The following DNAH10 variants were observed in gnomAD, a reference collection of about 807,000 sequenced individuals.
The protein encoded by DNAH10 is dynein axonemal heavy chain 10.
In DNAH10, 348 loss-of-function variants were observed where a neutral mutation model predicts 506.6. The ratio of observed to expected loss-of-function variants is 0.69; its 90% confidence interval spans 0.63 to 0.75. The LOEUF (loss-of-function observed/expected upper bound fraction) is 0.75, where lower values mean the gene tolerates loss of function less well. Ranked by LOEUF, DNAH10 falls within the 30% of genes least tolerant of loss-of-function variation. The probability of loss-of-function intolerance (pLI) is 0.00; values close to 1 mark genes in which losing one functional copy is unlikely to be tolerated. For synonymous variants in DNAH10, 2,059 were observed against 2,198.6 expected (o/e 0.94, Z 1.78); for missense variants, 5,179 against 5,787.1 (o/e 0.89, Z 3.41).
intron 16 of DNAH10, 55 bp from the exon 17 acceptor site, chr12:123,803,606 A>T (rs1958551193): frequency 1.4e-6 from 2 of 1,438,478 alleles, no homozygotes; most frequent in Admixed American, 5.9e-5. Flanking sequence ...TGGTGGGGGG[A>T]TGTGGAAAGA....
In DNAH10 at chr12:123,867,612, A is replaced by T. The variant is rs1336744471; in HGVS notation, c.7302+11A>T. The T allele has an allele frequency of 2.5e-6, 4 of 1,612,340 alleles. No individual in the cohort carries two copies. The highest frequency in any genetic ancestry group is 2.5e-6 in the Non-Finnish European group (3 of 1,179,488). ...ACAGACCTCAATATGGTAAGAAATG[A>T]TCCCTGCTGTTAGCAAAAAGAAATT... On this transcript the variant is annotated intron_variant, in intron 42 of 78. Transcript: ENST00000673944.
At position 123,795,782 on chromosome 12, in the gene DNAH10, C is replaced by T. The variant is rs147332722; in HGVS notation, c.1987-874C>T. 1.7e-3 allele frequency among the ~76,000 whole-genome samples: 261 copies of T among 152,232 alleles called. 2 individuals carry two copies. The highest frequency in any genetic ancestry group is 5.9e-3 in the African/African-American group (246 of 41,534). ...CCACACCTAATTACCCCCACGAGAG[C>T]TCAGACATGCTTCTTTTAAAAACAC... On this transcript the variant is annotated intron_variant, in intron 12 of 78. Transcript: ENST00000673944.
chr12:123,886,568 T>G (rs1282520941), intron 51 of DNAH10, among the ~76,000 whole-genome samples: 1 of 151,920 alleles, frequency 6.6e-6, no homozygotes, highest in Non-Finnish European at 1.5e-5. Context: ...AGTGTGAACA[T>G]GTGGGAATGA....
At position 123,934,177 on chromosome 12, in the gene DNAH10, G is replaced by A; in HGVS notation, c.13478-444G>A. The A allele has an allele frequency of 4.3e-6, 3 of 697,876 alleles. No individual in the cohort carries two copies. In the South Asian group the frequency reaches 4.5e-5, roughly 10 times the overall value. The allele number at this position is 697,876 out of a possible 1,614,324, so 43.2% of individuals were successfully genotyped here. ...TGTTCCTCTCTTTGCACATCTGCTG[G>A]GTCCTCCTCCCCGGAGACCACTTTC... is the stretch of plus-strand genomic sequence containing the variant. On this transcript the variant is annotated intron_variant, in intron 77 of 78. Transcript: ENST00000673944.
rs1954479407 is a variant in DNAH10 at position 123,916,393 on chromosome 12, C to T, written c.10723-64C>T. ...ACTTCCCACTTCCAAGCCATTCTCC[C>T]CTTATATTTGGCAGGGCCACAGTTA... On this transcript the variant is annotated intron_variant, in intron 62 of 78. Coordinates refer to ENST00000673944, the MANE Select transcript of DNAH10 (RefSeq NM_001372106.1). This position sits in a 1 kb window ranked among gnomAD's most constrained non-coding sequence, Gnocchi z 4.6. The T allele has an allele frequency of 6.5e-7, 1 of 1,549,268 alleles. No homozygotes were observed. Among genetic ancestry groups the T allele is most frequent in the Non-Finnish European group, 8.7e-7 (1 of 1,151,172 alleles).
Position 123,909,109 on chromosome 12 carries a change from G to A in DNAH10, c.9816-152G>A, listed in dbSNP as rs372527929. On this transcript the variant is annotated intron_variant, in intron 57 of 78. Transcript: ENST00000673944. The surrounding 1 kb of genome is among the most constrained non-coding windows in gnomAD (Gnocchi z 5.4). ...TAGGGACGCTCCCGCCCAGGAGTGC[G>A]GTTTGTGTTGGGACCTGGCTTCTTT... 4.1e-4 allele frequency among the ~76,000 whole-genome samples: 63 copies of A among 152,292 alleles called. 1 individual carries two copies. The highest frequency in any genetic ancestry group is 1.4e-3 in the African/African-American group (57 of 41,554).
At chr12:123,834,908 G>A (rs947243085) in intron 27 of DNAH10, among the ~76,000 whole-genome samples, 1 of 152,168 alleles carries the variant, frequency 6.6e-6, no homozygotes, top group African/African-American at 2.4e-5. Context: ...ATCACATGTT[G>A]TTTTTCTATC....
intron 42 of DNAH10, 26 bp from the exon 43 acceptor site, chr12:123,867,877 G>T: frequency 6.2e-7 from 1 of 1,602,410 alleles, no homozygotes; most frequent in Non-Finnish European, 8.5e-7. Flanking sequence ...TATGTGGGCT[G>T]AACCAGATAT....
intron 43 of DNAH10, among the ~76,000 whole-genome samples, chr12:123,869,844 A>T (rs1194375742): frequency 6.6e-6 from 1 of 152,064 alleles, no homozygotes; most frequent in Non-Finnish European, 1.5e-5. Flanking sequence ...GGCGATGGTG[A>T]TTACTCGGGC....
chr12:123,913,005 A>G lies in DNAH10; in HGVS notation c.10135-93A>G, dbSNP rs1161594604. The G allele has an allele frequency of 6.7e-6, 8 of 1,186,624 alleles. No individual in the cohort carries two copies. The Admixed American group carries it at 1.4e-4, about 21-fold the overall frequency. The allele number at this position is 1,186,624 out of a possible 1,614,324, so 73.5% of individuals were successfully genotyped here. On this transcript the variant is annotated intron_variant, in intron 59 of 78. Coordinates refer to ENST00000673944, the MANE Select transcript of DNAH10 (RefSeq NM_001372106.1). This position sits in a 1 kb window ranked among gnomAD's most constrained non-coding sequence, Gnocchi z 5.1. ...CTCTGAAAAGCACAGACACCATTAG[A>G]GCAGTTTAGACATGTGGCCTGGTTT...
intron 26 of DNAH10, among the ~76,000 whole-genome samples, chr12:123,832,490 C>T (rs1050820033): frequency 1.8e-4 from 28 of 152,036 alleles, no homozygotes; most frequent in Non-Finnish European, 2.9e-4. Context: ...TATGTATACA[C>T]ATATACATAT....
intron 51 of DNAH10, among the ~76,000 whole-genome samples, chr12:123,886,672 A>G (rs77198097): frequency 0.054 from 8,156 of 150,278 alleles, 223 homozygotes; most frequent in Non-Finnish European, 0.065. Context: ...GTTCCTGGAA[A>G]TCTGCCATGT....
At chr12:123,874,625 A>T (rs1952175379) in intron 46 of DNAH10, among the ~76,000 whole-genome samples, 1 of 151,672 alleles carries the variant, frequency 6.6e-6, no homozygotes, top group Non-Finnish European at 1.5e-5. Flanking sequence ...CCATCCATCC[A>T]TCCATCCATC....
At chr12:123,783,062 A>G (rs1474417341) in intron 6 of DNAH10, 45 bp from the exon 7 acceptor site, 2 of 1,598,144 alleles carry the variant, frequency 1.3e-6, no homozygotes, top group South Asian at 1.1e-5. Flanking sequence ...CTTTGTAATC[A>G]TTTTTCCTGA....
chr12:123,787,329 TTTG>T lies in DNAH10; in HGVS notation c.1422-472_1422-470del, dbSNP rs1957893499. 1.3e-5 allele frequency among the ~76,000 whole-genome samples: 2 copies of T among 152,228 alleles called. No homozygotes were observed. The highest frequency in any genetic ancestry group is 4.8e-5 in the African/African-American group (2 of 41,464). ...AATGGAATCAGACACTATATGACTT[TTTG>T]TTATCTATAGATAGATATCTATATC... is the stretch of plus-strand genomic sequence containing the variant. On this transcript the variant is annotated intron_variant, in intron 9 of 78. Transcript: ENST00000673944. This position sits in a 1 kb window ranked among gnomAD's most constrained non-coding sequence, Gnocchi z 4.6.
intron 18 of DNAH10, among the ~76,000 whole-genome samples, chr12:123,806,558 T>G (rs1256372668): frequency 6.6e-6 from 1 of 152,228 alleles, no homozygotes; most frequent in Non-Finnish European, 1.5e-5. Flanking sequence ...AAAAATCTCT[T>G]TTGGAATAAT....
At chr12:123,812,184 G>C (rs1594089192) in intron 19 of DNAH10, among the ~76,000 whole-genome samples, 1 of 152,210 alleles carries the variant, frequency 6.6e-6, no homozygotes, top group Admixed American at 6.5e-5. Context: ...GGGCGCAGTG[G>C]CTCACGCCTG....
chr12:123,809,096 T>A (rs1958828431), intron 19 of DNAH10, 143 bp downstream of exon 19: 1 of 1,007,666 alleles, frequency 9.9e-7, no homozygotes, highest in African/African-American at 1.6e-5. Context: ...ATCCCCCAGT[T>A]TTCCCCACTT....
At chr12:123,866,849 T>C (rs1015749817) in intron 41 of DNAH10, among the ~76,000 whole-genome samples, 2 of 152,200 alleles carry the variant, frequency 1.3e-5, no homozygotes, top group African/African-American at 4.8e-5. Flanking sequence ...CAGAGATGGA[T>C]GTGACAGTCA....
Sources: allele counts gnomAD v4.1 joint callset (sites outside exome capture counted in the v4.1 genomes callset), GRCh38; gene constraint gnomAD v4.1.1; non-coding constraint Gnocchi (gnomAD v3.1); transcripts MANE v1.5; gene names NCBI Gene and HGNC (gene_info 2026-07-23, HGNC 2026-07-21).